ADCY8: variants seen among roughly 807,000 people sequenced by gnomAD.
ADCY8 encodes the protein adenylate cyclase type 8.
In ADCY8, 51 loss-of-function variants were observed where a neutral mutation model predicts 119.7. The observed-to-expected ratio is 0.43, with a 90% CI of 0.34 to 0.54. ADCY8 has a LOEUF of 0.54. Ranked by LOEUF, ADCY8 falls within the 20% of genes least tolerant of loss-of-function variation. The pLI is 0.03. For missense variants in ADCY8, 1,383 were observed against 1,598.8 expected (o/e 0.87, Z 2.30); for synonymous variants, 665 against 651.0 (o/e 1.02, Z -0.33).
At chr8:130,972,389 G>T (rs1821949155) in intron 2 of ADCY8, among the ~76,000 whole-genome samples, 1 of 152,104 alleles carries the variant, frequency 6.6e-6, no homozygotes, top group Non-Finnish European at 1.5e-5. Context: ...TGTCAACAGG[G>T]CTGGGATCAA....
intron 2 of ADCY8, among the ~76,000 whole-genome samples, chr8:130,957,597 T>C (rs566572795): frequency 5.3e-5 from 8 of 152,314 alleles, no homozygotes; most frequent in East Asian, 1.9e-4. Flanking sequence ...CTCCAGGGCA[T>C]GTCACAGGTC....
At chr8:130,806,375 G>T (rs2130134084) in intron 14 of ADCY8, among the ~76,000 whole-genome samples, 1 of 152,284 alleles carries the variant, frequency 6.6e-6, no homozygotes, top group East Asian at 1.9e-4. Context: ...GAGCACAGTG[G>T]AATATTCATC....
rs368883403 is a variant in ADCY8 at position 131,008,963 on chromosome 8, A to T, written c.961-18421T>A. 6.1e-4 allele frequency among the ~76,000 whole-genome samples: 93 copies of T among 152,272 alleles called. 1 individual carries two copies. The highest frequency in any genetic ancestry group is 2.1e-3 in the African/African-American group (87 of 41,554). On this transcript the variant is annotated intron_variant, in intron 1 of 17. Coordinates refer to ENST00000286355, the MANE Select transcript of ADCY8 (RefSeq NM_001115.3). ...TGGAACTTTGAACTTGAGAGAGATG[A>T]TTTAGGGTAACTAGTGGAAGAAATT...
chr8:130,977,946 TC>T (rs1309454507), intron 2 of ADCY8, among the ~76,000 whole-genome samples: 3 of 152,194 alleles, frequency 2.0e-5, no homozygotes, highest in Admixed American at 2.0e-4. Context: ...TGAAATATCT[TC>T]CACTACTCAT....
chr8:130,992,013 A>G (rs1238109638), intron 1 of ADCY8, among the ~76,000 whole-genome samples: 1 of 151,464 alleles, frequency 6.6e-6, no homozygotes. Context: ...AAATAGGCCA[A>G]TAGAATATAA....
At chr8:130,878,438 C>T (rs1479091421) in intron 8 of ADCY8, among the ~76,000 whole-genome samples, 1 of 152,156 alleles carries the variant, frequency 6.6e-6, no homozygotes, top group African/African-American at 2.4e-5. Flanking sequence ...GGAGACATCT[C>T]CTCTAGACTT....
chr8:130,800,281 C>T, intron 15 of ADCY8, 145 bp downstream of exon 15: 1 of 894,718 alleles, frequency 1.1e-6, no homozygotes, highest in East Asian at 2.5e-5. Flanking sequence ...ATAATTAAAT[C>T]AGATAATACA....
intron 16 of ADCY8, among the ~76,000 whole-genome samples, chr8:130,784,922 G>A (rs1809129661): frequency 6.6e-6 from 1 of 152,074 alleles, no homozygotes; most frequent in Non-Finnish European, 1.5e-5. Flanking sequence ...CATTATCTGA[G>A]ATAATTCATC....
chr8:130,956,629 A>G (rs762739366), intron 2 of ADCY8, among the ~76,000 whole-genome samples: 2 of 152,192 alleles, frequency 1.3e-5, no homozygotes, highest in Non-Finnish European at 2.9e-5. Context: ...AAGGCCCAGA[A>G]TAATGCCTTG....
At chr8:131,000,475 A>G (rs1322197463) in intron 1 of ADCY8, among the ~76,000 whole-genome samples, 1 of 152,214 alleles carries the variant, frequency 6.6e-6, no homozygotes, top group Non-Finnish European at 1.5e-5. Flanking sequence ...AACACTTAAT[A>G]TGTGCCAGGA....
chr8:130,986,742 T>G (rs1321218880), intron 2 of ADCY8, among the ~76,000 whole-genome samples: 1 of 152,242 alleles, frequency 6.6e-6, no homozygotes, highest in Non-Finnish European at 1.5e-5. Flanking sequence ...CAGTGTGGCA[T>G]GCTGTTAACA....
intron 5 of ADCY8, among the ~76,000 whole-genome samples, chr8:130,919,577 T>C (rs1171706424): frequency 6.6e-6 from 1 of 152,160 alleles, no homozygotes; most frequent in Non-Finnish European, 1.5e-5. Context: ...ACTTCTGTGG[T>C]GTCACTATTT....
intron 13 of ADCY8, among the ~76,000 whole-genome samples, chr8:130,816,392 T>A (rs930531211): frequency 1.3e-5 from 2 of 151,656 alleles, no homozygotes; most frequent in Admixed American, 6.6e-5. Flanking sequence ...TCCACATGCA[T>A]GCACACACAC....
chr8:130,911,035 A>G (rs1173948520), intron 5 of ADCY8, among the ~76,000 whole-genome samples: 2 of 152,226 alleles, frequency 1.3e-5, no homozygotes, highest in Non-Finnish European at 2.9e-5. Context: ...ACAGAAGACA[A>G]GTGTTCCAAA....
chr8:130,966,914 T>A (rs1586614382), intron 2 of ADCY8, among the ~76,000 whole-genome samples: 3 of 152,388 alleles, frequency 2.0e-5, no homozygotes, highest in Admixed American at 2.0e-4. Flanking sequence ...TGCTCTATTT[T>A]AATCATTGTT....
At chr8:130,985,194 G>C (rs546170977) in intron 2 of ADCY8, among the ~76,000 whole-genome samples, 4 of 152,102 alleles carry the variant, frequency 2.6e-5, no homozygotes, top group South Asian at 2.1e-4. Flanking sequence ...TCAAGGATAC[G>C]AGGAGGCAAA....
chr8:130,875,532 C>G (rs72714409), intron 8 of ADCY8, among the ~76,000 whole-genome samples: 11,963 of 152,242 alleles, frequency 0.079, 513 homozygotes, highest in Non-Finnish European at 0.1. Flanking sequence ...GTCCCCAAGA[C>G]AAAAATGTGC....
chr8:130,989,489 G>T (rs1381452677), intron 2 of ADCY8, among the ~76,000 whole-genome samples: 3 of 151,950 alleles, frequency 2.0e-5, no homozygotes, highest in Non-Finnish European at 4.4e-5. Flanking sequence ...TAAATAATAA[G>T]ACATAACTTT....
chr8:130,876,634 A>G (rs1455806472), intron 8 of ADCY8, among the ~76,000 whole-genome samples: 1 of 152,028 alleles, frequency 6.6e-6, no homozygotes, highest in African/African-American at 2.4e-5. Context: ...GTTGCCAGAA[A>G]CAAGAGGTGG....
Sources: allele counts gnomAD v4.1 joint callset (sites outside exome capture counted in the v4.1 genomes callset), GRCh38; gene constraint gnomAD v4.1.1; transcripts MANE v1.5; gene names NCBI Gene and HGNC (gene_info 2026-07-23, HGNC 2026-07-21).